Variants in CLTRN observed in about 807,000 individuals in gnomAD.
CLTRN encodes collectrin.
In CLTRN, 12 loss-of-function variants were observed where a neutral mutation model predicts 14.5. The ratio of observed to expected loss-of-function variants is 0.83; its 90% CI spans 0.53 to 1.34. The LOEUF (loss-of-function observed/expected upper bound fraction) is 1.34, where lower values mean the gene tolerates loss of function less well. CLTRN is among the 40% of genes most tolerant of loss of function. The pLI is 0.00. For missense variants in CLTRN, 154 were observed against 165.1 expected, an observed-to-expected ratio of 0.93 and a Z score of 0.37; for synonymous variants, 58 against 56.5, an observed-to-expected ratio of 1.03 and a Z score of -0.12.
chrX:15,636,621 T>C (rs1041218291), intron 5 of CLTRN, among the ~76,000 whole-genome samples: 1 of 111,577 alleles, frequency 9.0e-6, no homozygotes, highest in African/African-American at 3.3e-5. Flanking sequence ...AGCAATGAGT[T>C]GGTGAATTGG....
chrX:15,660,865 T>C (rs1475970854), intron 2 of CLTRN, among the ~76,000 whole-genome samples: 5 of 111,045 alleles, frequency 4.5e-5, no homozygotes, highest in African/African-American at 1.6e-4. Context: ...AATGGAAAAA[T>C]CACTTTTCTC....
At chrX:15,652,430 T>C (rs1929239541) in intron 3 of CLTRN, among the ~76,000 whole-genome samples, 1 of 103,596 alleles carries the variant, frequency 9.7e-6, no homozygotes, top group Non-Finnish European at 2.0e-5. Flanking sequence ...GTTTCACACA[T>C]ATGTCAAAGA....
intron 3 of CLTRN, among the ~76,000 whole-genome samples, chrX:15,645,315 G>A (rs780235625): frequency 1.6e-4 from 18 of 111,296 alleles, no homozygotes; most frequent in Admixed American, 1.9e-4. Context: ...CTCCATCACC[G>A]GTTGGTGACA....
chrX:15,666,497 T>C (rs1386024640), upstream of CLTRN, among the ~76,000 whole-genome samples: 1 of 112,148 alleles, frequency 8.9e-6, no homozygotes, highest in Non-Finnish European at 1.9e-5. Flanking sequence ...AACATTGGAT[T>C]TTCAAAGCAA....
intron 3 of CLTRN, chrX:15,646,794 AC>A (rs1198126833): frequency 3.1e-5 from 10 of 325,393 alleles, no homozygotes; most frequent in Admixed American, 3.2e-5. Context: ...GACCGCCGCC[AC>A]CCCCCCACCA....
At chrX:15,655,445 C>T (rs762824408) in intron 3 of CLTRN, among the ~76,000 whole-genome samples, 150 of 111,938 alleles carry the variant, frequency 1.3e-3, no homozygotes, top group African/African-American at 4.7e-3. Context: ...TCCTCCACCT[C>T]GCCTCGGCTC....
chrX:15,660,840 CAACAA>C (rs1186123344), intron 2 of CLTRN, among the ~76,000 whole-genome samples: 3 of 87,518 alleles, frequency 3.4e-5, no homozygotes, highest in Non-Finnish European at 6.9e-5. Flanking sequence ...ACAACAACAA[CAACAA>C]AAGAATGGAA....
chrX:15,645,170 C>T (rs1929034540), intron 3 of CLTRN, 141 bp from the exon 4 acceptor site: 1 of 362,315 alleles, frequency 2.8e-6, no homozygotes. Context: ...GAAGAATGAG[C>T]TCAGTAAGAA....
intron 5 of CLTRN, among the ~76,000 whole-genome samples, chrX:15,629,594 C>CT (rs1334030604): frequency 4.9e-4 from 54 of 110,222 alleles, no homozygotes; most frequent in African/African-American, 1.4e-3. Context: ...AGAGAAAGCT[C>CT]TTTTTTTATA....
chrX:15,673,801 T>C (rs1394386732), intron 1 of CLTRN, among the ~76,000 whole-genome samples: 1 of 112,118 alleles, frequency 8.9e-6, no homozygotes, highest in Non-Finnish European at 1.9e-5. Context: ...CTCACTGCCA[T>C]GGAGGGAAAA....
chrX:15,628,353 A>T (rs996327257), intron 5 of CLTRN, among the ~76,000 whole-genome samples: 5 of 112,462 alleles, frequency 4.4e-5, no homozygotes, highest in Non-Finnish European at 7.5e-5. Context: ...TGACATATAC[A>T]TAGTGATCAA....
intron 2 of CLTRN, among the ~76,000 whole-genome samples, chrX:15,659,996 T>C (rs887627844): frequency 3.6e-5 from 4 of 111,835 alleles, no homozygotes; most frequent in Admixed American, 1.9e-4. Flanking sequence ...GAAACTGAGC[T>C]GTTTAAGGAC....
chrX:15,663,922 T>C (rs1415301954), intron 2 of CLTRN, among the ~76,000 whole-genome samples: 1 of 112,512 alleles, frequency 8.9e-6, no homozygotes, highest in Non-Finnish European at 1.9e-5. Flanking sequence ...TTTTTTGTGC[T>C]ATGAAAGACT....
At chrX:15,641,349 C>T (rs1460305961) in intron 4 of CLTRN, among the ~76,000 whole-genome samples, 1 of 111,805 alleles carries the variant, frequency 8.9e-6, no homozygotes, top group Non-Finnish European at 1.9e-5. Context: ...CCCTGGAAAA[C>T]AGAAATATAA....
At chrX:15,654,338 A>G (rs1443115882) in intron 3 of CLTRN, among the ~76,000 whole-genome samples, 1 of 112,822 alleles carries the variant, frequency 8.9e-6, no homozygotes, top group East Asian at 2.7e-4. Flanking sequence ...TAAAAATGAT[A>G]AATTATCTAA....
chrX:15,646,796 C>T, intron 3 of CLTRN: 1 of 334,669 alleles, frequency 3.0e-6, no homozygotes, highest in South Asian at 2.6e-5. Context: ...CCGCCGCCAC[C>T]CCCCCACCAG....
At chrX:15,628,505 G>A (rs751805548) in intron 5 of CLTRN, among the ~76,000 whole-genome samples, 54 of 112,055 alleles carry the variant, frequency 4.8e-4, no homozygotes, top group African/African-American at 1.7e-3. Context: ...TAGTAAATTC[G>A]CAAGTTTAAA....
In CLTRN at chrX:15,655,207, C is replaced by T. The variant is rs190334913; in HGVS notation, c.203+3809G>A. Among the ~76,000 whole-genome samples the T allele has an allele frequency of 6.6e-3, 740 of 112,119 alleles. 4 individuals carry two copies. The highest frequency in any genetic ancestry group is 0.022 in the African/African-American group (677 of 30,841). ...CCCCTCCACCATGCTTCATTCTCCT[C>T]GCTTAGGGACAGGAAAGCAAGATGA... On this transcript the variant is annotated intron_variant, in intron 3 of 5. Coordinates refer to ENST00000380342, the MANE Select transcript of CLTRN (RefSeq NM_020665.6).
At chrX:15,673,104 A>G (rs1428518927) in intron 1 of CLTRN, among the ~76,000 whole-genome samples, 9 of 112,608 alleles carry the variant, frequency 8.0e-5, no homozygotes, top group Non-Finnish European at 1.7e-4. Context: ...CGTAGCTCAC[A>G]GCGTCATCAT....
Sources: gnomAD v4.1 joint callset for allele counts (sites outside exome capture counted in the v4.1 genomes callset) on GRCh38, gnomAD v4.1.1 for gene constraint, MANE v1.5 for transcripts, NCBI Gene and HGNC (gene_info 2026-07-23, HGNC 2026-07-21) for gene names.